Variants in SLC8A1 observed in about 807,000 individuals in gnomAD.
SLC8A1 encodes the protein sodium/calcium exchanger 1.
A neutral mutation model predicts 68.3 loss-of-function variants in SLC8A1; 18 were observed. The observed-to-expected ratio is 0.26, with a 90% CI of 0.18 to 0.39. The LOEUF (loss-of-function observed/expected upper bound fraction) is 0.39, where lower values mean the gene tolerates loss of function less well. SLC8A1 is among the 10% of genes least tolerant of loss of function. The probability of loss-of-function intolerance (pLI) is 1.00; values close to 1 mark genes in which losing one functional copy is unlikely to be tolerated. For missense variants in SLC8A1, 985 were observed against 1,156.7 expected (o/e 0.85, Z 2.15); for synonymous variants, 475 against 415.5 (o/e 1.14, Z -1.74).
chr2:40,421,736 C>A (rs1695556993), intron 2 of SLC8A1, among the ~76,000 whole-genome samples: 1 of 152,070 alleles, frequency 6.6e-6, no homozygotes, highest in South Asian at 2.1e-4. Context: ...AAGAAACTGT[C>A]ATCTACAGCA....
intron 1 of SLC8A1, among the ~76,000 whole-genome samples, chr2:40,451,041 AT>A (rs1430940827): frequency 8.5e-5 from 13 of 152,092 alleles, no homozygotes; most frequent in Non-Finnish European, 1.2e-4. Flanking sequence ...CACGTACTGT[AT>A]TTTCAAGAGC....
chr2:40,330,230 G>A (rs548555934), intron 2 of SLC8A1, among the ~76,000 whole-genome samples: 2 of 152,146 alleles, frequency 1.3e-5, no homozygotes, highest in Non-Finnish European at 2.9e-5. Flanking sequence ...GTAGAGGCAG[G>A]ATGATAGTAT....
At chr2:40,117,916 A>C (rs145444609) in intron 7 of SLC8A1, among the ~76,000 whole-genome samples, 78 of 152,330 alleles carry the variant, frequency 5.1e-4, no homozygotes, top group African/African-American at 1.7e-3. Flanking sequence ...TTAGGCTACT[A>C]AAAGGCTACT....
At chr2:40,385,250 C>T (rs186580086) in intron 2 of SLC8A1, among the ~76,000 whole-genome samples, 1 of 152,096 alleles carries the variant, frequency 6.6e-6, no homozygotes, top group African/African-American at 2.4e-5. Flanking sequence ...GGAGGAAACT[C>T]CTTTTTTCTA....
rs768183914 is a variant in SLC8A1, at chr2:40,164,964, G to A, written c.1951C>T (p.Pro651Ser). ...TCCTCTTCCTCTTTGCTGGTCAGTG[G>A]CTGCTTGTCATCATATTCGTCTGTG... Residue 651 changes from proline to serine, a missense_variant, in exon 5 of 8, where the codon CCA (proline) becomes TCA (serine). Around this residue, in one of 5 missense-constraint regions of SLC8A1, gnomAD observed 584 missense variants for 565.9 expected, o/e 1.03. Transcript: ENST00000406785. 3.7e-5 allele frequency: 59 copies of A among 1,613,744 alleles called. No individual in the cohort carries two copies. The highest frequency in any genetic ancestry group is 2.9e-4 in the East Asian group (13 of 44,868).
At chr2:40,232,171 G>T (rs1475328553) in intron 2 of SLC8A1, among the ~76,000 whole-genome samples, 1 of 152,056 alleles carries the variant, frequency 6.6e-6, no homozygotes, top group Non-Finnish European at 1.5e-5. Flanking sequence ...TTTGGAAACG[G>T]AAAACCTTAG....
intron 1 of SLC8A1, among the ~76,000 whole-genome samples, chr2:40,470,329 T>C (rs1703930299): frequency 1.3e-5 from 2 of 152,078 alleles, no homozygotes; most frequent in African/African-American, 4.8e-5. Flanking sequence ...AGAATAATTA[T>C]ACTAGAAGTA....
At chr2:40,267,986 GAGA>G (rs1471547595) in intron 2 of SLC8A1, among the ~76,000 whole-genome samples, 4 of 152,298 alleles carry the variant, frequency 2.6e-5, no homozygotes, top group East Asian at 1.9e-4. Flanking sequence ...ACAGTGGGAT[GAGA>G]AGAAGAAGGA....
At chr2:40,294,811 T>C (rs2070031311) in intron 2 of SLC8A1, among the ~76,000 whole-genome samples, 1 of 152,212 alleles carries the variant, frequency 6.6e-6, no homozygotes, top group Non-Finnish European at 1.5e-5. Flanking sequence ...TAGCGCTTAC[T>C]GTTCATAATT....
chr2:40,287,002 G>T (rs1286039648), intron 2 of SLC8A1, among the ~76,000 whole-genome samples: 1 of 152,102 alleles, frequency 6.6e-6, no homozygotes, highest in African/African-American at 2.4e-5. Flanking sequence ...GACTTTGAGG[G>T]TTCTCAAGTA....
chr2:40,386,233 T>C (rs978390281), intron 2 of SLC8A1, among the ~76,000 whole-genome samples: 1 of 151,470 alleles, frequency 6.6e-6, no homozygotes, highest in Non-Finnish European at 1.5e-5. Context: ...CTGTTATTAA[T>C]ACAGCTGGAG....
chr2:40,384,441 T>C (rs967276975), intron 2 of SLC8A1, among the ~76,000 whole-genome samples: 8 of 152,094 alleles, frequency 5.3e-5, no homozygotes, highest in Non-Finnish European at 7.4e-5. Flanking sequence ...TCATGAATCA[T>C]GGGTATAGAA....
chr2:40,427,754 C>A lies in SLC8A1; in HGVS notation c.1808+719G>T, dbSNP rs538158782. Among the ~76,000 whole-genome samples the A allele has an allele frequency of 1.6e-4, 25 of 152,232 alleles. No individual in the cohort carries two copies. In the South Asian group the frequency reaches 4.1e-3, roughly 25 times the overall value. On this transcript the variant is annotated intron_variant, in intron 2 of 7. Transcript: ENST00000406785. ...TGACCTGCTCCCTGACAACTAGACA[C>A]GTGGACAGAACCTTATTTCTCTCTC...
chr2:40,312,974 A>T (rs1213452398), intron 2 of SLC8A1, among the ~76,000 whole-genome samples: 1 of 152,084 alleles, frequency 6.6e-6, no homozygotes, highest in Admixed American at 6.6e-5. Flanking sequence ...ATATGTGTGT[A>T]TAAAATATAT....
At chr2:40,198,741 T>G (rs769378608) in intron 2 of SLC8A1, among the ~76,000 whole-genome samples, 16 of 151,878 alleles carry the variant, frequency 1.1e-4, no homozygotes, top group Non-Finnish European at 2.2e-4. Context: ...CTGGGTAGGT[T>G]CCCTCTTTAA....
intron 2 of SLC8A1, among the ~76,000 whole-genome samples, chr2:40,190,074 C>T (rs1383844418): frequency 6.6e-6 from 1 of 152,152 alleles, no homozygotes; most frequent in Non-Finnish European, 1.5e-5. Context: ...CCTAGAAGGC[C>T]ATCCTGGCTA....
At chr2:40,351,585 CAA>C (rs35996211) in intron 2 of SLC8A1, among the ~76,000 whole-genome samples, 4 of 142,294 alleles carry the variant, frequency 2.8e-5, no homozygotes, top group Non-Finnish European at 3.1e-5. Context: ...ATGTTGCATC[CAA>C]AAAAAAAAAA....
At chr2:40,153,767 A>G (rs879502991) in intron 6 of SLC8A1, among the ~76,000 whole-genome samples, 16 of 152,172 alleles carry the variant, frequency 1.1e-4, no homozygotes, top group Non-Finnish European at 2.2e-4. Context: ...CTACACCACA[A>G]AAACATTCCT....
intron 2 of SLC8A1, among the ~76,000 whole-genome samples, chr2:40,182,314 T>A (rs1247743986): frequency 6.6e-6 from 1 of 152,174 alleles, no homozygotes; most frequent in Non-Finnish European, 1.5e-5. Flanking sequence ...ATAATTATTA[T>A]AAAGACAGGA....
Sources: gnomAD v4.1 joint callset for allele counts (sites outside exome capture counted in the v4.1 genomes callset) on GRCh38, gnomAD v4.1.1 for gene constraint, gnomAD v4.1.1 regional missense constraint, MANE v1.5 for transcripts, NCBI Gene and HGNC (gene_info 2026-07-23, HGNC 2026-07-21) for gene names.